Variants in NXPH2 observed in about 807,000 individuals in gnomAD.
NXPH2 encodes neurexophilin-2.
Under a neutral mutation model 19.8 loss-of-function variants are expected in NXPH2, and 5 were observed. That is an observed-to-expected ratio of 0.25 (90% CI 0.13 to 0.53). The LOEUF (loss-of-function observed/expected upper bound fraction) is 0.53. Among genes scored for constraint, NXPH2 ranks in the 20% least tolerant of loss-of-function variants. NXPH2 has a pLI of 0.96. For missense variants in NXPH2, 289 were observed against 322.8 expected (o/e 0.90, Z 0.80); for synonymous variants, 154 against 127.4 (o/e 1.21, Z -1.41).
At chr2:138,717,445 G>A (rs113191990) in intron 1 of NXPH2, among the ~76,000 whole-genome samples, 1 of 151,380 alleles carries the variant, frequency 6.6e-6, no homozygotes, top group Non-Finnish European at 1.5e-5. Flanking sequence ...AGTGCCAGCC[G>A]ATTTGGTATC....
rs147901443 is a variant in NXPH2 at position 138,756,170 on chromosome 2, C to A, written c.51+24021G>T. 4.3e-3 allele frequency among the ~76,000 whole-genome samples: 648 copies of A among 151,812 alleles called. 4 individuals carry two copies. The highest frequency in any genetic ancestry group is 0.015 in the African/African-American group (605 of 41,456). The stretch of plus-strand genomic sequence containing the variant: ...ACTCTTTATGTAATCAGTTTTATTT[C>A]TTCCTTTCTAATATGAACACCATTG... On this transcript the variant is annotated intron_variant, in intron 1 of 1. Coordinates refer to ENST00000272641, the MANE Select transcript of NXPH2 (RefSeq NM_007226.3).
chr2:138,743,227 G>A (rs867928980), intron 1 of NXPH2, among the ~76,000 whole-genome samples: 1 of 151,850 alleles, frequency 6.6e-6, no homozygotes, highest in Non-Finnish European at 1.5e-5. Context: ...ATCTCTGGAA[G>A]TCACAGTCAC....
chr2:138,702,464 G>A (rs1481881397), intron 1 of NXPH2, among the ~76,000 whole-genome samples: 1 of 152,072 alleles, frequency 6.6e-6, no homozygotes, highest in African/African-American at 2.4e-5. Flanking sequence ...GTCCTGACTT[G>A]AATAAAACTA....
chr2:138,677,535 TAGA>T (rs1680502683), intron 1 of NXPH2, among the ~76,000 whole-genome samples: 1 of 152,064 alleles, frequency 6.6e-6, no homozygotes, highest in Admixed American at 6.6e-5. Context: ...AGGAAGGGAG[TAGA>T]AGAATAAGAC....
At chr2:138,673,755 G>A (rs139344042) in intron 1 of NXPH2, among the ~76,000 whole-genome samples, 151 of 151,580 alleles carry the variant, frequency 1.0e-3, no homozygotes, top group African/African-American at 3.6e-3. Context: ...TGGGATTACA[G>A]GTATGAGTCA....
At position 138,671,616 on chromosome 2, in the gene NXPH2, C is replaced by T; in HGVS notation, c.101G>A (p.Trp34Ter). ...CGTCCCTGGAGCATCTTTGTCTTCC[C>T]AATCCAGCCCCTCCGTGGCATGCAC... ...EVVHATEGLD[W>*]EDKDAPGTLV... Residue 34 changes from tryptophan (W) to a stop codon, truncating the protein, a stop_gained, in exon 2 of 2, where the codon TGG becomes TAG. Transcript: ENST00000272641. LOFTEE classifies it high-confidence loss of function. 1 of 1,603,752 alleles carries T rather than the reference C, an allele frequency of 6.2e-7. No individual in the cohort carries two copies. The highest frequency in any genetic ancestry group is 8.5e-7 in the Non-Finnish European group (1 of 1,175,506).
At position 138,679,875 on chromosome 2, in the gene NXPH2, A is replaced by G. The variant is rs78910073; in HGVS notation, c.52-8210T>C. Reference sequence around the variant, plus strand: ...ACTGATTTTGCCTATACCTGCAATCACAGGAATATTATTGTATTCTAACAT... The same window carrying G: ...ACTGATTTTGCCTATACCTGCAATCGCAGGAATATTATTGTATTCTAACAT... On this transcript the variant is annotated intron_variant, in intron 1 of 1. Transcript: ENST00000272641. 7.0e-3 allele frequency among the ~76,000 whole-genome samples: 1,061 copies of G among 152,246 alleles called. 28 individuals are homozygous for G. The highest frequency in any genetic ancestry group is 0.054 in the East Asian group (278 of 5,172).
intron 1 of NXPH2, among the ~76,000 whole-genome samples, chr2:138,709,447 C>G (rs1353978441): frequency 2.0e-5 from 3 of 151,898 alleles, no homozygotes; most frequent in East Asian, 1.9e-4. Flanking sequence ...CCCCTGCCCC[C>G]CTCCCTACCC....
At chr2:138,683,999 T>C (rs1487536941) in intron 1 of NXPH2, among the ~76,000 whole-genome samples, 1 of 152,214 alleles carries the variant, frequency 6.6e-6, no homozygotes, top group Non-Finnish European at 1.5e-5. Context: ...AAAATATCTA[T>C]CAACTGAAAA....
At chr2:138,673,594 G>A (rs947107955) in intron 1 of NXPH2, among the ~76,000 whole-genome samples, 33 of 151,740 alleles carry the variant, frequency 2.2e-4, no homozygotes, top group African/African-American at 7.3e-4. Flanking sequence ...ACCCTACAAT[G>A]CTTTTGAACA....
At chr2:138,748,342 T>C (rs1681773605) in intron 1 of NXPH2, among the ~76,000 whole-genome samples, 1 of 152,314 alleles carries the variant, frequency 6.6e-6, no homozygotes, top group East Asian at 1.9e-4. Flanking sequence ...TCATTAGGTG[T>C]TAACTCGATA....
chr2:138,707,045 A>G (rs1681026582), intron 1 of NXPH2, among the ~76,000 whole-genome samples: 1 of 145,038 alleles, frequency 6.9e-6, no homozygotes, highest in South Asian at 2.2e-4. Flanking sequence ...TAAAAATTCT[A>G]GAAAGATTTA....
intron 1 of NXPH2, among the ~76,000 whole-genome samples, chr2:138,733,140 C>T (rs1002431555): frequency 6.6e-6 from 1 of 151,996 alleles, no homozygotes; most frequent in East Asian, 1.9e-4. Context: ...GTACATCCAT[C>T]CCATATCTAC....
chr2:138,675,541 G>C (rs1490774987), intron 1 of NXPH2, among the ~76,000 whole-genome samples: 1 of 151,934 alleles, frequency 6.6e-6, no homozygotes, highest in African/African-American at 2.4e-5. Context: ...AATAGCAATA[G>C]GACATTACTG....
At chr2:138,674,042 AT>A in intron 1 of NXPH2, among the ~76,000 whole-genome samples, 1 of 151,914 alleles carries the variant, frequency 6.6e-6, no homozygotes, top group Non-Finnish European at 1.5e-5. Context: ...TGGAGGCATA[AT>A]CATAGCTCAC....
chr2:138,752,762 T>G lies in NXPH2; in HGVS notation c.51+27429A>C, dbSNP rs1681846102. Among the ~76,000 whole-genome samples the G allele has an allele frequency of 2.6e-5, 4 of 152,130 alleles. No homozygotes were observed. In the South Asian group the frequency reaches 8.3e-4, roughly 32 times the overall value. Reference sequence around the variant, plus strand: ...CTTGGCTGTGGCAGTTTCTCAGACTTTCTTTGTTTCCGACGACCTTAGCAG... The same window carrying G: ...CTTGGCTGTGGCAGTTTCTCAGACTGTCTTTGTTTCCGACGACCTTAGCAG... On this transcript the variant is annotated intron_variant, in intron 1 of 1. Transcript: ENST00000272641.
At chr2:138,674,312 C>T (rs574800391) in intron 1 of NXPH2, among the ~76,000 whole-genome samples, 1 of 152,080 alleles carries the variant, frequency 6.6e-6, no homozygotes, top group Non-Finnish European at 1.5e-5. Context: ...CGCCACCATG[C>T]CTGACTAGTT....
chr2:138,771,431 C>T (rs559626215), intron 1 of NXPH2, among the ~76,000 whole-genome samples: 1 of 151,418 alleles, frequency 6.6e-6, no homozygotes, highest in Non-Finnish European at 1.5e-5. Context: ...TGGCAGAAAG[C>T]AGGCAGGGGT....
At chr2:138,750,948 C>T (rs1194445589) in intron 1 of NXPH2, among the ~76,000 whole-genome samples, 1 of 152,030 alleles carries the variant, frequency 6.6e-6, no homozygotes, top group African/African-American at 2.4e-5. Context: ...GGGCTCAGAT[C>T]AAATGCCAAG....
Sources: allele counts gnomAD v4.1 joint callset (sites outside exome capture counted in the v4.1 genomes callset), GRCh38; gene constraint gnomAD v4.1.1; transcripts MANE v1.5; gene names NCBI Gene and HGNC (gene_info 2026-07-23, HGNC 2026-07-21).